Variants in TFCP2L1 observed in about 807,000 individuals in gnomAD.
TFCP2L1 encodes transcription factor CP2-like protein 1.
TFCP2L1 carries 12 observed loss-of-function variants against 72.2 expected under a neutral mutation model. The observed-to-expected ratio is 0.17, with a 90% confidence interval of 0.11 to 0.27. The LOEUF (loss-of-function observed/expected upper bound fraction) is 0.27, where lower values mean the gene tolerates loss of function less well. Among genes scored for constraint, TFCP2L1 ranks in the 10% least tolerant of loss-of-function variants. TFCP2L1 has a pLI of 1.00. For missense variants in TFCP2L1, 488 were observed against 624.6 expected (o/e 0.78, Z 2.33); for synonymous variants, 260 against 251.0 (o/e 1.04, Z -0.34).
intron 2 of TFCP2L1, among the ~76,000 whole-genome samples, chr2:121,262,410 G>A (rs1224032622): frequency 6.6e-6 from 1 of 152,180 alleles, no homozygotes; most frequent in African/African-American, 2.4e-5. Flanking sequence ...GCTGCAGTGA[G>A]CCAAGATTGC....
intron 2 of TFCP2L1, among the ~76,000 whole-genome samples, chr2:121,275,397 T>TTAAAAAAAAAA (rs1450732297): frequency 4.6e-5 from 1 of 21,744 alleles, no homozygotes; most frequent in Non-Finnish European, 8.2e-5. Flanking sequence ...AGACTCCATC[T>TTAAAAAAAAAA]CAAAAAAAAA....
At chr2:121,248,927 A>C in intron 4 of TFCP2L1, 55 bp downstream of exon 4, 2 of 1,397,386 alleles carry the variant, frequency 1.4e-6, no homozygotes, top group Non-Finnish European at 1.9e-6. Context: ...GGAAGAACCC[A>C]ATGTGGCCTG....
Position 121,281,623 on chromosome 2 carries a change from C to T in TFCP2L1, c.63-352G>A, listed in dbSNP as rs532864886. On this transcript the variant is annotated intron_variant, in intron 1 of 14. Transcript: ENST00000263707. ...TCTAAGACATTTATTTGGTTTCTATCCACAAGCGATCACTCATAAAGTTTC... is the reference window on the plus strand; with the variant it reads ...TCTAAGACATTTATTTGGTTTCTATTCACAAGCGATCACTCATAAAGTTTC... Among the ~76,000 whole-genome samples the T allele has an allele frequency of 4.7e-4, 71 of 152,274 alleles. No homozygotes were observed. The Middle Eastern group carries it at 0.014, about 29-fold the overall frequency.
rs533633576 is a variant in TFCP2L1, at chr2:121,281,380, C to A, written c.63-109G>T. On this transcript the variant is annotated intron_variant, in intron 1 of 14. Transcript: ENST00000263707. ...CAGACCACCGGGGCCCAGGGTGACA[C>A]GGCACGCGCATCGCAGGGTGCTGGC... 1.2e-5 allele frequency: 15 copies of A among 1,281,466 alleles called. No homozygotes were observed. In the African/African-American group the frequency reaches 1.2e-4, roughly 10 times the overall value. The allele number at this position is 1,281,466 out of a possible 1,614,324, so 79.4% of individuals were successfully genotyped here.
intron 13 of TFCP2L1, among the ~76,000 whole-genome samples, chr2:121,230,197 G>A (rs1274648709): frequency 6.6e-6 from 1 of 152,082 alleles, no homozygotes; most frequent in Middle Eastern, 3.2e-3. Flanking sequence ...TTGAGATGGA[G>A]TTTCGCTTTT....
At chr2:121,237,200 C>T (rs1002331937) in intron 10 of TFCP2L1, among the ~76,000 whole-genome samples, 3 of 152,220 alleles carry the variant, frequency 2.0e-5, no homozygotes, top group African/African-American at 7.2e-5. Flanking sequence ...GAAGGAAGAG[C>T]CCCCTTTCTG....
In TFCP2L1 at chr2:121,224,080, TGGACCAA is replaced by T. The variant is rs1685976061; in HGVS notation, c.*254_*260del. The T allele has an allele frequency of 1.8e-6, 1 of 553,102 alleles. No individual in the cohort carries two copies. The highest frequency in any genetic ancestry group is 3.2e-6 in the Non-Finnish European group (1 of 309,364). The allele number at this position is 553,102 out of a possible 1,614,324, so 34.3% of individuals were successfully genotyped here. A position where few individuals can be genotyped will look rare whatever the true frequency, so the allele number is the denominator to read the frequency against. ...GTTTGCCCTTTTAGAACGTCAGGGT[TGGACCAA>T]TAGAAAAGAACAAGGAACCATTCAA... On this transcript the variant is annotated 3_prime_UTR_variant, in exon 15 of 15. Transcript: ENST00000263707.
At chr2:121,250,730 C>T (rs535759044) in intron 2 of TFCP2L1, among the ~76,000 whole-genome samples, 106 of 151,276 alleles carry the variant, frequency 7.0e-4, no homozygotes, top group African/African-American at 2.4e-3. Context: ...CCTCAGCCTC[C>T]TGAGTAGCTG....
At chr2:121,226,912 A>G (rs913302011) in intron 13 of TFCP2L1, among the ~76,000 whole-genome samples, 3 of 152,184 alleles carry the variant, frequency 2.0e-5, no homozygotes, top group Non-Finnish European at 2.9e-5. Flanking sequence ...ACAAAGTTCT[A>G]CATCACAAAG....
At position 121,217,189 on chromosome 2, in the gene TFCP2L1, T is replaced by C. The variant is rs1171678921; in HGVS notation, c.*7152A>G. On this transcript the variant is annotated 3_prime_UTR_variant, in exon 15 of 15. Coordinates refer to ENST00000263707, the MANE Select transcript of TFCP2L1 (RefSeq NM_014553.3). ...CCCTGGCCCCCATCTAACCTCCCAG[T>C]TGACTTCCTGAAAACTGGGCTAGTG... 5 of 152,246 alleles carry C rather than the reference T, an allele frequency of 3.3e-5. No individual in the cohort carries two copies. The highest frequency in any genetic ancestry group is 4.8e-5 in the African/African-American group (2 of 41,464). The allele number at this position is 152,246 out of a possible 1,614,324, so 9.4% of individuals were successfully genotyped here.
chr2:121,248,327 A>C, intron 4 of TFCP2L1, 57 bp from the exon 5 acceptor site: 5 of 1,404,552 alleles, frequency 3.6e-6, no homozygotes, highest in Non-Finnish European at 3.9e-6. Flanking sequence ...CCAAATATTT[A>C]GGGAAAGACC....
intron 14 of TFCP2L1, 29 bp from the exon 15 acceptor site, chr2:121,224,416 C>T (rs778906959): frequency 1.2e-6 from 2 of 1,612,150 alleles, no homozygotes; most frequent in Non-Finnish European, 8.5e-7. Flanking sequence ...GGGTGTATTT[C>T]ACAGGAAAAA....
At chr2:121,261,793 C>CA (rs1201940206) in intron 2 of TFCP2L1, among the ~76,000 whole-genome samples, 2 of 152,116 alleles carry the variant, frequency 1.3e-5, no homozygotes, top group Non-Finnish European at 2.9e-5. Flanking sequence ...GATTATTTAT[C>CA]AATTACAAAG....
rs1190254407 is a variant in TFCP2L1, at chr2:121,248,221, C to T, written c.447G>A (p.Gln149=). 3.7e-6 allele frequency: 6 copies of T among 1,614,100 alleles called. No individual in the cohort carries two copies. The highest frequency in any genetic ancestry group is 4.2e-6 in the Non-Finnish European group (5 of 1,180,000). Residue 149 remains glutamine, a synonymous_variant, in exon 5 of 15, where the codon CAG becomes CAA. Coordinates refer to ENST00000263707, the MANE Select transcript of TFCP2L1 (RefSeq NM_014553.3). Reference sequence around the variant, plus strand: ...CCCACAAAAACTCGACTGCATTCAGCTGGGTCGGGCTGGCCCTGGGGTCCA... The same window carrying T: ...CCCACAAAAACTCGACTGCATTCAGTTGGGTCGGGCTGGCCCTGGGGTCCA... The part of the protein sequence containing the change: ...GILDPRASPT[Q]LNAVEFLWDP...
At position 121,217,341 on chromosome 2, in the gene TFCP2L1, C is replaced by G. The variant is rs531337877; in HGVS notation, c.*7000G>C. 6.3e-4 allele frequency: 96 copies of G among 152,430 alleles called. No individual in the cohort carries two copies. The highest frequency in any genetic ancestry group is 2.3e-3 in the African/African-American group (94 of 41,612). The allele number at this position is 152,430 out of a possible 1,614,324, so 9.4% of individuals were successfully genotyped here. A position where few individuals can be genotyped will look rare whatever the true frequency, so the allele number is the denominator to read the frequency against. On this transcript the variant is annotated 3_prime_UTR_variant, in exon 15 of 15. Transcript: ENST00000263707. The stretch of plus-strand genomic sequence containing the variant: ...CTCACGAAGAAAGGAACTGCAGTGG[C>G]TGCTGTCTGCCCCTGGAGTGAAGAC...
chr2:121,274,930 A>G (rs927510302), intron 2 of TFCP2L1, among the ~76,000 whole-genome samples: 1 of 151,922 alleles, frequency 6.6e-6, no homozygotes, highest in Non-Finnish European at 1.5e-5. Flanking sequence ...AAGAGCAAGA[A>G]GACCCTGTCT....
Position 121,222,638 on chromosome 2 carries a change from G to A in TFCP2L1, c.*1703C>T, listed in dbSNP as rs778213872. 39 of 152,236 alleles carry A rather than the reference G, an allele frequency of 2.6e-4. No homozygotes were observed. Among genetic ancestry groups the A allele is most frequent in the Admixed American group, 5.2e-4 (8 of 15,290 alleles). 9.4% of individuals were successfully genotyped at this position (152,236 alleles called of 1,614,324 possible). A position where few individuals can be genotyped will look rare whatever the true frequency, so the allele number is the denominator to read the frequency against. On this transcript the variant is annotated 3_prime_UTR_variant, in exon 15 of 15. Coordinates refer to ENST00000263707, the MANE Select transcript of TFCP2L1 (RefSeq NM_014553.3). ...TTCATGGCTGCCTTGGACTGCAGGA[G>A]TTAGGAAAGCAGGAGTGACAGACCA... is the stretch of plus-strand genomic sequence containing the variant.
At chr2:121,225,532 A>G in intron 14 of TFCP2L1, 30 bp downstream of exon 14, 2 of 1,612,096 alleles carry the variant, frequency 1.2e-6, no homozygotes, top group East Asian at 2.2e-5. Flanking sequence ...CTGCCCCCAC[A>G]ACTACCCTAG....
chr2:121,254,090 G>C (rs752976554), intron 2 of TFCP2L1, among the ~76,000 whole-genome samples: 4 of 152,246 alleles, frequency 2.6e-5, no homozygotes, highest in Non-Finnish European at 5.9e-5. Flanking sequence ...GTGGAAGCCA[G>C]GACAGCGGGC....
Sources: gnomAD v4.1 joint callset for allele counts (sites outside exome capture counted in the v4.1 genomes callset) on GRCh38, gnomAD v4.1.1 for gene constraint, MANE v1.5 for transcripts, NCBI Gene and HGNC (gene_info 2026-07-23, HGNC 2026-07-21) for gene names.